PTPRG: variants seen among roughly 807,000 people sequenced by gnomAD.
The protein encoded by PTPRG is receptor-type tyrosine-protein phosphatase gamma.
Under a neutral mutation model 165.3 loss-of-function variants are expected in PTPRG, and 102 were observed. That is an observed-to-expected ratio of 0.62 (90% confidence interval 0.53 to 0.73). The LOEUF is 0.73. PTPRG is among the 30% of genes least tolerant of loss of function. The pLI, the probability that PTPRG is intolerant of heterozygous loss-of-function variation, is 0.00. For missense variants in PTPRG, 1,866 were observed against 1,861.4 expected, an observed-to-expected ratio of 1.00 and a Z score of -0.05; for synonymous variants, 675 against 669.5, an observed-to-expected ratio of 1.01 and a Z score of -0.13.
intron 4 of PTPRG, among the ~76,000 whole-genome samples, chr3:62,026,370 C>A (rs79973903): frequency 0.014 from 2,083 of 152,262 alleles, 92 homozygotes; most frequent in East Asian, 0.11. Flanking sequence ...CTCTTATGTT[C>A]CATGTGTCTT....
chr3:61,997,388 C>G (rs1332148697), intron 3 of PTPRG, among the ~76,000 whole-genome samples: 2 of 152,184 alleles, frequency 1.3e-5, no homozygotes, highest in African/African-American at 2.4e-5. Context: ...CAAACACAGA[C>G]TGCTCACTGT....
At chr3:61,863,348 G>T (rs930847042) in intron 2 of PTPRG, among the ~76,000 whole-genome samples, 6 of 152,172 alleles carry the variant, frequency 3.9e-5, no homozygotes, top group African/African-American at 1.2e-4. Context: ...TAGGTATATA[G>T]GCATTTGCTC....
At chr3:61,819,396 G>T (rs2035888924) in intron 2 of PTPRG, among the ~76,000 whole-genome samples, 1 of 152,146 alleles carries the variant, frequency 6.6e-6, no homozygotes, top group Non-Finnish European at 1.5e-5. Flanking sequence ...ATCTACTAAG[G>T]ATACCATGTA....
At chr3:61,903,795 T>A (rs2038565305) in intron 2 of PTPRG, among the ~76,000 whole-genome samples, 1 of 152,240 alleles carries the variant, frequency 6.6e-6, no homozygotes. Context: ...GTGTGTATAT[T>A]AAACAAATTA....
At chr3:61,576,258 C>T (rs1224383557) in intron 1 of PTPRG, among the ~76,000 whole-genome samples, 2 of 152,184 alleles carry the variant, frequency 1.3e-5, no homozygotes, top group African/African-American at 2.4e-5. Flanking sequence ...TGTCCTATAT[C>T]TCCCACCTTG....
At chr3:62,223,857 A>T (rs1471999605) in intron 13 of PTPRG, among the ~76,000 whole-genome samples, 1 of 152,226 alleles carries the variant, frequency 6.6e-6, no homozygotes, top group Non-Finnish European at 1.5e-5. Flanking sequence ...AGCTGTACAG[A>T]GTTTCCAATA....
chr3:62,060,549 G>A (rs943477100), intron 4 of PTPRG, among the ~76,000 whole-genome samples: 3 of 152,202 alleles, frequency 2.0e-5, no homozygotes, highest in Admixed American at 2.0e-4. Context: ...TGCACTTACA[G>A]CTATGCACTG....
chr3:61,880,577 T>A (rs957226106), intron 2 of PTPRG, among the ~76,000 whole-genome samples: 1 of 149,238 alleles, frequency 6.7e-6, no homozygotes, highest in Non-Finnish European at 1.5e-5. Context: ...TCAGCTGTGT[T>A]TGCGCCACTG....
chr3:61,782,804 GT>G (rs1475592584), intron 2 of PTPRG, among the ~76,000 whole-genome samples: 1 of 152,058 alleles, frequency 6.6e-6, no homozygotes, highest in Non-Finnish European at 1.5e-5. Context: ...GTTTTGTTTT[GT>G]TTTGTTTTTT....
At chr3:61,839,046 T>A (rs1194756308) in intron 2 of PTPRG, among the ~76,000 whole-genome samples, 1 of 152,176 alleles carries the variant, frequency 6.6e-6, no homozygotes. Flanking sequence ...GGTCTCTGAT[T>A]TATGTGTTCC....
intron 1 of PTPRG, among the ~76,000 whole-genome samples, chr3:61,746,898 A>AT (rs1252123473): frequency 1.3e-5 from 2 of 152,208 alleles, no homozygotes; most frequent in Non-Finnish European, 2.9e-5. Flanking sequence ...CACACCTGCC[A>AT]TCCCAACACT....
intron 1 of PTPRG, among the ~76,000 whole-genome samples, chr3:61,612,611 A>G (rs1701202927): frequency 6.6e-6 from 1 of 152,114 alleles, no homozygotes; most frequent in African/African-American, 2.4e-5. Flanking sequence ...TGCATTCTCT[A>G]GCCTATTTTG....
intron 1 of PTPRG, among the ~76,000 whole-genome samples, chr3:61,651,627 T>A (rs1702356828): frequency 6.6e-6 from 1 of 152,214 alleles, no homozygotes; most frequent in African/African-American, 2.4e-5. Context: ...TTCTGGGTGT[T>A]ACTTTGTAGG....
At chr3:62,220,380 G>A (rs1373734850) in intron 13 of PTPRG, among the ~76,000 whole-genome samples, 1 of 152,174 alleles carries the variant, frequency 6.6e-6, no homozygotes, top group Non-Finnish European at 1.5e-5. Flanking sequence ...AGAGACCATC[G>A]GGGAGACTAC....
At chr3:61,883,494 G>C (rs957183696) in intron 2 of PTPRG, among the ~76,000 whole-genome samples, 3 of 152,074 alleles carry the variant, frequency 2.0e-5, no homozygotes, top group Non-Finnish European at 4.4e-5. Flanking sequence ...TCCTTATTTA[G>C]TAATTCAAAA....
At chr3:61,801,468 C>T (rs938878177) in intron 2 of PTPRG, among the ~76,000 whole-genome samples, 2 of 151,630 alleles carry the variant, frequency 1.3e-5, no homozygotes, top group Non-Finnish European at 2.9e-5. Context: ...ATTTTTTTTA[C>T]ACACATACAT....
chr3:61,812,042 G>A (rs2035595871), intron 2 of PTPRG, among the ~76,000 whole-genome samples: 1 of 152,162 alleles, frequency 6.6e-6, no homozygotes, highest in African/African-American at 2.4e-5. Context: ...AGGACATAGT[G>A]GGGAGCACCA....
At chr3:62,029,745 C>A (rs1450412050) in intron 4 of PTPRG, among the ~76,000 whole-genome samples, 1 of 152,222 alleles carries the variant, frequency 6.6e-6, no homozygotes, top group Non-Finnish European at 1.5e-5. Context: ...AGAACTGCAT[C>A]TTTTCTTCAG....
chr3:61,762,251 TCTA>T (rs779083779), intron 2 of PTPRG, among the ~76,000 whole-genome samples: 18 of 152,168 alleles, frequency 1.2e-4, no homozygotes, highest in Non-Finnish European at 2.4e-4. Flanking sequence ...TCTCTCACCA[TCTA>T]CTAGGGTGTG....
Sources: gnomAD v4.1 joint callset for allele counts (sites outside exome capture counted in the v4.1 genomes callset) on GRCh38, gnomAD v4.1.1 for gene constraint, MANE v1.5 for transcripts, NCBI Gene and HGNC (gene_info 2026-07-23, HGNC 2026-07-21) for gene names.